PLA2R1: variants seen among roughly 807,000 people sequenced by gnomAD.
The protein encoded by PLA2R1 is secretory phospholipase A2 receptor.
In PLA2R1, 158 loss-of-function variants were observed where a neutral mutation model predicts 195.9. The ratio of observed to expected loss-of-function variants is 0.81; its 90% CI spans 0.71 to 0.92. The LOEUF (loss-of-function observed/expected upper bound fraction) is 0.92, where lower values mean the gene tolerates loss of function less well. PLA2R1 is among the 40% of genes least tolerant of loss of function. The probability of loss-of-function intolerance (pLI) is 0.00; values close to 1 mark genes in which losing one functional copy is unlikely to be tolerated. For missense variants in PLA2R1, 1,626 were observed against 1,764.6 expected, an observed-to-expected ratio of 0.92 and a Z score of 1.41; for synonymous variants, 586 against 598.2, an observed-to-expected ratio of 0.98 and a Z score of 0.30.
rs533280521 is a variant in PLA2R1 at position 159,985,590 on chromosome 2, C to T, written c.2038-1517G>A. Among the ~76,000 whole-genome samples the T allele has an allele frequency of 7.2e-5, 11 of 152,302 alleles. No individual in the cohort carries two copies. In the East Asian group the frequency reaches 1.9e-3, roughly 27 times the overall value. The stretch of plus-strand genomic sequence containing the variant: ...ATACATACACACACACATATATACA[C>T]ATACAAATCAACCGTATGCATCAAT... On this transcript the variant is annotated intron_variant, in intron 12 of 29. Coordinates refer to ENST00000283243, the MANE Select transcript of PLA2R1 (RefSeq NM_007366.5).
intron 10 of PLA2R1, among the ~76,000 whole-genome samples, chr2:160,011,947 TG>T (rs1339156406): frequency 9.6e-6 from 1 of 103,944 alleles, no homozygotes; most frequent in African/African-American, 3.4e-5. Flanking sequence ...CATTTGAGTG[TG>T]TGTGTGTGTG....
intron 11 of PLA2R1, among the ~76,000 whole-genome samples, chr2:159,996,341 T>G (rs944984952): frequency 1.3e-5 from 2 of 152,126 alleles, no homozygotes; most frequent in African/African-American, 4.8e-5. Context: ...CTTTTTTCTC[T>G]TAACACTTTA....
At chr2:159,986,213 G>A (rs1690322602) in intron 12 of PLA2R1, among the ~76,000 whole-genome samples, 1 of 152,094 alleles carries the variant, frequency 6.6e-6, no homozygotes, top group Non-Finnish European at 1.5e-5. Context: ...TTTTTGAGCG[G>A]TGACAAGATG....
intron 8 of PLA2R1, among the ~76,000 whole-genome samples, chr2:160,017,585 C>T (rs1034297670): frequency 9.9e-5 from 15 of 152,192 alleles, no homozygotes; most frequent in African/African-American, 3.6e-4. Flanking sequence ...AACAGCACCA[C>T]CCCATCTCCT....
intron 11 of PLA2R1, among the ~76,000 whole-genome samples, chr2:159,988,709 T>C (rs1457109356): frequency 6.6e-6 from 1 of 152,244 alleles, no homozygotes; most frequent in Non-Finnish European, 1.5e-5. Context: ...ACTTGATATT[T>C]ATCTTGCTTA....
At chr2:160,013,174 T>C in intron 10 of PLA2R1, 89 bp downstream of exon 10, 1 of 580,420 alleles carries the variant, frequency 1.7e-6, no homozygotes, top group South Asian at 2.5e-5. Context: ...ATTTAGATTT[T>C]GAACAGTTAT....
intron 11 of PLA2R1, among the ~76,000 whole-genome samples, chr2:160,002,650 A>G (rs927480922): frequency 3.3e-5 from 5 of 152,056 alleles, no homozygotes; most frequent in African/African-American, 1.2e-4. Context: ...CCCCAGATCT[A>G]CTGAATCAGA....
At chr2:160,018,519 C>G (rs1692907142) in intron 8 of PLA2R1, among the ~76,000 whole-genome samples, 1 of 152,148 alleles carries the variant, frequency 6.6e-6, no homozygotes, top group African/African-American at 2.4e-5. Context: ...GTAATCCCAG[C>G]TACTTGGGAG....
intron 9 of PLA2R1, among the ~76,000 whole-genome samples, chr2:160,013,721 C>CTCTG (rs552708939): frequency 1.7e-5 from 2 of 116,586 alleles, no homozygotes; most frequent in South Asian, 2.8e-4. Context: ...CTCTCTCTCT[C>CTCTG]TGTGTGTGTG....
In PLA2R1 at chr2:160,016,689, A is replaced by G. The variant is rs1406553182; in HGVS notation, c.1476T>C (p.Asn492=). 6.2e-7 allele frequency: 1 copy of G among 1,600,162 alleles called. No individual in the cohort carries two copies. Among genetic ancestry groups the G allele is most frequent in the Non-Finnish European group, 8.6e-7 (1 of 1,167,424 alleles). Residue 492 remains asparagine (N), a synonymous_variant, in exon 9 of 30, where the codon AAT becomes AAC. Coordinates refer to ENST00000283243, the MANE Select transcript of PLA2R1 (RefSeq NM_007366.5). The part of the protein sequence containing the change: ...EQSEGHWKVK[N]CEERLFYICK... The stretch of plus-strand genomic sequence containing the variant: ...AAATGTAAAAAAGTCTTTCTTCACA[A>G]TTTTTGACTTTCCAGTGTCCCTCCT...
chr2:159,986,587 T>C (rs938926335), intron 12 of PLA2R1, among the ~76,000 whole-genome samples: 1 of 150,256 alleles, frequency 6.7e-6, no homozygotes, highest in Non-Finnish European at 1.5e-5. Context: ...TTCTTTTCTT[T>C]CCTTTTTTTT....
rs567452605 is a variant in PLA2R1, at chr2:160,062,318, G to C, written c.86C>G (p.Pro29Arg). 4.9e-5 allele frequency: 75 copies of C among 1,523,286 alleles called. No homozygotes were observed. In the African/African-American group the frequency reaches 7.2e-4, roughly 15 times the overall value. The allele number at this position is 1,523,286 out of a possible 1,614,324, so 94.4% of individuals were successfully genotyped here. The change falls in exon 1 of 30, where the codon CCC becomes CGC. Residue 29 changes from proline to arginine, a missense_variant. By Grantham distance (103) the Pro-to-Arg change is moderately radical. Transcript: ENST00000283243. ...ACCCTGCCACTCCAGGAGCCGCTCGGGGGTAAGCGCCGCCGCCACACCCTC... is the reference window on the plus strand; with the variant it reads ...ACCCTGCCACTCCAGGAGCCGCTCGCGGGTAAGCGCCGCCGCCACACCCTC... The part of the protein sequence containing the change: ...CAEGVAAALT[P>R]ERLLEWQDKG...
At chr2:159,975,128 CCTTT>C (rs1270744345) in intron 17 of PLA2R1, among the ~76,000 whole-genome samples, 2 of 151,654 alleles carry the variant, frequency 1.3e-5, no homozygotes, top group Non-Finnish European at 2.9e-5. Flanking sequence ...CTTTCTGTGC[CCTTT>C]CTATTTACTA....
chr2:160,014,689 T>C (rs953176117), intron 9 of PLA2R1, among the ~76,000 whole-genome samples: 3 of 152,220 alleles, frequency 2.0e-5, no homozygotes, highest in African/African-American at 7.2e-5. Flanking sequence ...AAAACCTTAA[T>C]TTAGAGATCA....
chr2:159,970,032 T>G (rs1689052029), intron 18 of PLA2R1, 116 bp downstream of exon 18: 5 of 645,500 alleles, frequency 7.7e-6, no homozygotes, highest in South Asian at 6.1e-5. Context: ...GAAGTGAAAA[T>G]TTATAAGTTA....
rs2125912784 is a variant in PLA2R1 at position 159,940,564 on chromosome 2, T to C, written c.*1214A>G. 6.6e-6 allele frequency: 1 copy of C among 152,328 alleles called. No individual in the cohort carries two copies. The highest frequency in any genetic ancestry group is 1.9e-4 in the East Asian group (1 of 5,188). The allele number at this position is 152,328 out of a possible 1,614,324, so 9.4% of individuals were successfully genotyped here. A position where few individuals can be genotyped will look rare whatever the true frequency, so the allele number is the denominator to read the frequency against. On this transcript the variant is annotated 3_prime_UTR_variant, in exon 30 of 30. Transcript: ENST00000283243. Reference sequence around the variant, plus strand: ...GCGTGCCACCATGCTCAGTACACTTTTTTCTTGATAAAATTCAATAAACAG... The same window carrying C: ...GCGTGCCACCATGCTCAGTACACTTCTTTCTTGATAAAATTCAATAAACAG...
intron 8 of PLA2R1, among the ~76,000 whole-genome samples, chr2:160,017,392 C>T (rs571650370): frequency 6.5e-4 from 99 of 152,310 alleles, no homozygotes; most frequent in African/African-American, 2.3e-3. Context: ...ATCCTCCTGA[C>T]CAAGTGAGAG....
At chr2:160,004,204 C>T (rs1261365405) in intron 11 of PLA2R1, among the ~76,000 whole-genome samples, 2 of 152,162 alleles carry the variant, frequency 1.3e-5, no homozygotes, top group African/African-American at 4.8e-5. Context: ...ACCATCCAAG[C>T]CAGAAAAATT....
In PLA2R1 at chr2:160,053,687, C is replaced by T. The variant is rs1000770114; in HGVS notation, c.110-8530G>A. 2.1e-4 allele frequency among the ~76,000 whole-genome samples: 32 copies of T among 152,228 alleles called. 1 individual carries two copies. The highest frequency in any genetic ancestry group is 7.2e-4 in the African/African-American group (30 of 41,448). ...ACTCCCAGGGCCCAGGCCTCCAGTC[C>T]CCCAACTTCAATGCAACCTGGTTGC... On this transcript the variant is annotated intron_variant, in intron 1 of 29. Coordinates refer to ENST00000283243, the MANE Select transcript of PLA2R1 (RefSeq NM_007366.5).
Sources: allele counts gnomAD v4.1 joint callset (sites outside exome capture counted in the v4.1 genomes callset), GRCh38; gene constraint gnomAD v4.1.1; transcripts MANE v1.5; gene names NCBI Gene and HGNC (gene_info 2026-07-23, HGNC 2026-07-21).